Variants in CPD observed in about 807,000 individuals in gnomAD.
CPD encodes the protein metallocarboxypeptidase D.
A neutral mutation model predicts 138.3 loss-of-function variants in CPD; 69 were observed. That is an observed-to-expected ratio of 0.50 (90% confidence interval 0.41 to 0.61). The LOEUF is 0.61. Among genes scored for constraint, CPD ranks in the 20% least tolerant of loss-of-function variants. The pLI is 0.00. For missense variants in CPD, 1,432 were observed against 1,733.3 expected (o/e 0.83, Z 3.09); for synonymous variants, 651 against 642.1 (o/e 1.01, Z -0.21).
chr17:30,463,374 A>G (rs1282077061), intron 20 of CPD, among the ~76,000 whole-genome samples: 2 of 152,234 alleles, frequency 1.3e-5, no homozygotes, highest in Non-Finnish European at 2.9e-5. Flanking sequence ...GTATCCTCCA[A>G]GCCTAGAACG....
chr17:30,410,369 A>G (rs1297246149), intron 2 of CPD, among the ~76,000 whole-genome samples: 1 of 152,198 alleles, frequency 6.6e-6, no homozygotes, highest in Non-Finnish European at 1.5e-5. Flanking sequence ...GATGTCTATT[A>G]GGTCCACTTG....
chr17:30,412,513 C>G (rs1166787368), intron 2 of CPD, among the ~76,000 whole-genome samples: 1 of 152,188 alleles, frequency 6.6e-6, no homozygotes, highest in Non-Finnish European at 1.5e-5. Context: ...GTAGGCCTTG[C>G]TGAGCTACGG....
chr17:30,426,730 CA>C (rs1324001601), intron 6 of CPD, among the ~76,000 whole-genome samples: 2 of 152,312 alleles, frequency 1.3e-5, no homozygotes, highest in East Asian at 3.9e-4. Flanking sequence ...CTTATAATCC[CA>C]ACCTTGTGAC....
intron 2 of CPD, among the ~76,000 whole-genome samples, chr17:30,386,782 G>C (rs960998949): frequency 2.0e-4 from 30 of 152,284 alleles, no homozygotes; most frequent in Admixed American, 3.9e-4. Context: ...GCAGGTATCA[G>C]AACTTTATTC....
intron 12 of CPD, among the ~76,000 whole-genome samples, chr17:30,448,533 G>A (rs973437022): frequency 7.9e-5 from 12 of 152,300 alleles, no homozygotes; most frequent in Middle Eastern, 3.4e-3. Context: ...CAGGCACTAA[G>A]TACCATTGAA....
chr17:30,380,408 G>C, intron 1 of CPD: 5 of 1,080,488 alleles, frequency 4.6e-6, no homozygotes, highest in Non-Finnish European at 5.8e-6. Context: ...AAGAAGATAT[G>C]GACTTAGCTG....
At chr17:30,382,901 C>T (rs1281403410) in intron 1 of CPD, among the ~76,000 whole-genome samples, 2 of 152,200 alleles carry the variant, frequency 1.3e-5, no homozygotes, top group African/African-American at 2.4e-5. Flanking sequence ...TGGGATGTAT[C>T]TGTCCCTGAA....
chr17:30,390,039 G>A (rs962220048), intron 2 of CPD, among the ~76,000 whole-genome samples: 3 of 148,612 alleles, frequency 2.0e-5, no homozygotes, highest in East Asian at 2.0e-4. Flanking sequence ...TTTTTTTTGA[G>A]ACAGAGTCTT....
chr17:30,415,632 A>G (rs1456048121), intron 2 of CPD, among the ~76,000 whole-genome samples: 1 of 152,250 alleles, frequency 6.6e-6, no homozygotes, highest in Non-Finnish European at 1.5e-5. Context: ...TAAAGAAGAT[A>G]TACACATGGC....
At chr17:30,446,049 T>G (rs952764401) in intron 12 of CPD, 29 bp downstream of exon 12, 1 of 1,520,288 alleles carries the variant, frequency 6.6e-7, no homozygotes, top group Admixed American at 2.1e-5. Flanking sequence ...TGTCTTTTTT[T>G]TTTTTTCAAG....
At position 30,385,090 on chromosome 17, in the gene CPD, C is replaced by A; in HGVS notation, c.848C>A (p.Ser283Ter). 2.5e-6 allele frequency: 4 copies of A among 1,614,024 alleles called. No homozygotes were observed. Among genetic ancestry groups the A allele is most frequent in the African/African-American group, 1.3e-5 (1 of 75,018 alleles). ...HKATGIYSKTSDDEVFKYLAK... is the reference protein window; with the variant it reads ...HKATGIYSKT Reference sequence around the variant, plus strand: ...GCCACTGGAATCTATAGCAAAACCTCAGATGATGAAGTATTTAAATACTTG... The same window carrying A: ...GCCACTGGAATCTATAGCAAAACCTAAGATGATGAAGTATTTAAATACTTG... The change falls in exon 2 of 21, where the codon TCA becomes TAA. Residue 283 changes from serine to a stop codon, truncating the protein, a stop_gained. Transcript: ENST00000225719. LOFTEE classifies it high-confidence loss of function.
At chr17:30,450,637 C>A (rs1013816063) in intron 13 of CPD, among the ~76,000 whole-genome samples, 3 of 152,080 alleles carry the variant, frequency 2.0e-5, no homozygotes, top group Non-Finnish European at 2.9e-5. Flanking sequence ...AGAGAGAGGA[C>A]CACTTGAGGC....
intron 8 of CPD, among the ~76,000 whole-genome samples, chr17:30,436,651 T>G (rs1912711016): frequency 6.6e-6 from 1 of 152,216 alleles, no homozygotes; most frequent in South Asian, 2.1e-4. Flanking sequence ...AATTGAAACC[T>G]TACATACATT....
intron 9 of CPD, among the ~76,000 whole-genome samples, chr17:30,441,977 G>A (rs1278086304): frequency 1.3e-5 from 2 of 151,234 alleles, no homozygotes; most frequent in African/African-American, 4.9e-5. Context: ...AATAGTTTCA[G>A]AAGGAATGGT....
At chr17:30,428,499 T>C (rs1318384656) in intron 7 of CPD, among the ~76,000 whole-genome samples, 1 of 152,236 alleles carries the variant, frequency 6.6e-6, no homozygotes, top group Non-Finnish European at 1.5e-5. Context: ...ATGAATATTA[T>C]TTGGCTCGAA....
chr17:30,383,520 T>C (rs1437103666), intron 1 of CPD, among the ~76,000 whole-genome samples: 1 of 152,176 alleles, frequency 6.6e-6, no homozygotes, highest in Non-Finnish European at 1.5e-5. Flanking sequence ...TCTTCTCTGG[T>C]GTCTGGAAGG....
intron 20 of CPD, among the ~76,000 whole-genome samples, chr17:30,463,514 A>G (rs2143516914): frequency 6.6e-6 from 1 of 152,336 alleles, no homozygotes; most frequent in East Asian, 1.9e-4. Context: ...AGGAAAGAGG[A>G]AATGTTTGTT....
At position 30,421,743 on chromosome 17, in the gene CPD, G is replaced by T. The variant is rs1280927613; in HGVS notation, c.1217G>T (p.Gly406Val). ...GLENATISVA[G>V]INHNITTGRF... Reference sequence around the variant, plus strand: ...GAGAATGCAACCATCTCAGTGGCTGGTATTAATCATAATATCACAACAGGC... The same window carrying T: ...GAGAATGCAACCATCTCAGTGGCTGTTATTAATCATAATATCACAACAGGC... Residue 406 changes from glycine to valine, a missense_variant, in exon 4 of 21, where the codon GGT becomes GTT. Physicochemically the swap from Gly to Val is moderately radical, Grantham distance 109 (BLOSUM62 -3). Around this residue, in one of 6 missense-constraint regions of CPD, gnomAD observed 160 missense variants for 197.9 expected, o/e 0.81. Coordinates refer to ENST00000225719, the MANE Select transcript of CPD (RefSeq NM_001304.5). The T allele has an allele frequency of 6.2e-7, 1 of 1,612,812 alleles. No homozygotes were observed. Among genetic ancestry groups the T allele is most frequent in the Admixed American group, 1.7e-5 (1 of 60,004 alleles).
rs1175085525 is a variant in CPD, at chr17:30,404,532, T to A, written c.995-16309T>A. On this transcript the variant is annotated intron_variant, in intron 2 of 20. Transcript: ENST00000225719. ...GTCTTTCATTTTTGAACATTTAGATTGCTTCCAGTTTTATGCTCTTTCAAT... is the reference window on the plus strand; with the variant it reads ...GTCTTTCATTTTTGAACATTTAGATAGCTTCCAGTTTTATGCTCTTTCAAT... 2.6e-5 allele frequency among the ~76,000 whole-genome samples: 4 copies of A among 152,276 alleles called. No individual in the cohort carries two copies. The East Asian group carries it at 7.7e-4, about 29-fold the overall frequency.
Sources: gnomAD v4.1 joint callset for allele counts (sites outside exome capture counted in the v4.1 genomes callset) on GRCh38, gnomAD v4.1.1 for gene constraint, gnomAD v4.1.1 regional missense constraint, MANE v1.5 for transcripts, NCBI Gene and HGNC (gene_info 2026-07-23, HGNC 2026-07-21) for gene names.